The following ARHGAP26 variants were observed in gnomAD, a reference collection of about 807,000 sequenced individuals.
ARHGAP26 encodes Rho GTPase activating protein 26.
In ARHGAP26, 38 loss-of-function variants were observed where a neutral mutation model predicts 104.8. That is an observed-to-expected ratio of 0.36 (90% CI 0.28 to 0.48). The LOEUF (loss-of-function observed/expected upper bound fraction) is 0.48. Among genes scored for constraint, ARHGAP26 ranks in the 20% least tolerant of loss-of-function variants. The pLI, the probability that ARHGAP26 is intolerant of heterozygous loss-of-function variation, is 0.99. For synonymous variants in ARHGAP26, 341 were observed against 340.0 expected (o/e 1.00, Z -0.03); for missense variants, 704 against 947.9 (o/e 0.74, Z 3.38).
At chr5:143,125,634 CATGGAAATT>C (rs1305162848) in intron 18 of ARHGAP26, among the ~76,000 whole-genome samples, 2 of 152,284 alleles carry the variant, frequency 1.3e-5, no homozygotes, top group East Asian at 1.9e-4. Context: ...TTTGGGGGCT[CATGGAAATT>C]TTTCTTTTTC....
chr5:142,866,098 C>T (rs1472668549), intron 1 of ARHGAP26, among the ~76,000 whole-genome samples: 1 of 151,480 alleles, frequency 6.6e-6, no homozygotes, highest in Non-Finnish European at 1.5e-5. Context: ...ACTTGCATTT[C>T]TGTAGCCATT....
At chr5:143,156,355 A>G (rs1299725979) in intron 20 of ARHGAP26, among the ~76,000 whole-genome samples, 1 of 152,222 alleles carries the variant, frequency 6.6e-6, no homozygotes, top group African/African-American at 2.4e-5. Flanking sequence ...AAAGCCAGGC[A>G]GGATCAACCA....
At chr5:142,975,654 C>T (rs576066985) in intron 11 of ARHGAP26, among the ~76,000 whole-genome samples, 1 of 152,202 alleles carries the variant, frequency 6.6e-6, no homozygotes, top group South Asian at 2.1e-4. Context: ...ATCTCCCAAT[C>T]GACAGTCAGT....
At chr5:143,134,763 AGCC>A in intron 19 of ARHGAP26, among the ~76,000 whole-genome samples, 1 of 152,238 alleles carries the variant, frequency 6.6e-6, no homozygotes. Flanking sequence ...GTATTGTTTC[AGCC>A]TTTGCTCTAA....
At chr5:143,091,818 C>T (rs1431724513) in intron 17 of ARHGAP26, among the ~76,000 whole-genome samples, 1 of 152,186 alleles carries the variant, frequency 6.6e-6, no homozygotes, top group African/African-American at 2.4e-5. Flanking sequence ...ACCACTTTAA[C>T]TTTAGCCAAT....
At chr5:142,972,923 A>T (rs1772496203) in intron 11 of ARHGAP26, among the ~76,000 whole-genome samples, 2 of 149,664 alleles carry the variant, frequency 1.3e-5, no homozygotes, top group Admixed American at 1.3e-4. Flanking sequence ...TATTATTTTA[A>T]TTTTTTTCTG....
intron 6 of ARHGAP26, among the ~76,000 whole-genome samples, chr5:142,894,570 C>T (rs1042644548): frequency 9.2e-5 from 14 of 152,204 alleles, no homozygotes; most frequent in African/African-American, 3.4e-4. Flanking sequence ...GTCCAGCAGT[C>T]ATTCCTTCCT....
intron 1 of ARHGAP26, among the ~76,000 whole-genome samples, chr5:142,863,353 C>T (rs1225130326): frequency 6.6e-6 from 1 of 152,144 alleles, no homozygotes; most frequent in Non-Finnish European, 1.5e-5. Context: ...GTGATCCGCC[C>T]ACCTCGGCCT....
intron 12 of ARHGAP26, among the ~76,000 whole-genome samples, chr5:143,021,427 G>A (rs528892531): frequency 1.6e-4 from 24 of 152,310 alleles, no homozygotes; most frequent in African/African-American, 5.8e-4. Flanking sequence ...ATTGGCCTAT[G>A]TTATTCATAA....
chr5:142,816,520 A>G (rs1765164579), intron 1 of ARHGAP26, among the ~76,000 whole-genome samples: 1 of 152,240 alleles, frequency 6.6e-6, no homozygotes. Flanking sequence ...GGCATCTTGT[A>G]GGAGATGCCA....
chr5:142,979,560 A>G (rs150601668), intron 11 of ARHGAP26, among the ~76,000 whole-genome samples: 69 of 152,338 alleles, frequency 4.5e-4, no homozygotes, highest in Non-Finnish European at 6.3e-4. Context: ...GGGCCACATT[A>G]TCAATCCCTG....
chr5:143,226,146 C>A lies in ARHGAP26; in HGVS notation c.*3700C>A. On this transcript the variant is annotated 3_prime_UTR_variant, in exon 23 of 23. Coordinates refer to ENST00000645722, the MANE Select transcript of ARHGAP26 (RefSeq NM_001135608.3). Reference sequence around the variant, plus strand: ...AATCTTTTAGGGGTATTAAGGTCAGCCTCTCACTCTTCCTTCAGGTTACTA... The same window carrying A: ...AATCTTTTAGGGGTATTAAGGTCAGACTCTCACTCTTCCTTCAGGTTACTA... The A allele has an allele frequency of 5.2e-6, 1 of 193,308 alleles. No homozygotes were observed. The highest frequency in any genetic ancestry group is 1.1e-5 in the Non-Finnish European group (1 of 92,630). 12.0% of individuals were successfully genotyped at this position (193,308 alleles called of 1,614,324 possible). A position where few individuals can be genotyped will look rare whatever the true frequency, so the allele number is the denominator to read the frequency against.
At chr5:143,067,040 C>T (rs556094471) in intron 17 of ARHGAP26, among the ~76,000 whole-genome samples, 2 of 151,984 alleles carry the variant, frequency 1.3e-5, no homozygotes, top group East Asian at 3.9e-4. Context: ...TCTGCCCCTC[C>T]CCCTCCCGCT....
intron 17 of ARHGAP26, among the ~76,000 whole-genome samples, chr5:143,116,064 T>G (rs1599084720): frequency 2.0e-5 from 3 of 152,370 alleles, no homozygotes; most frequent in East Asian, 3.8e-4. Context: ...TGAAAACTTT[T>G]GTTTCTGATA....
intron 17 of ARHGAP26, among the ~76,000 whole-genome samples, chr5:143,098,966 G>A (rs569109125): frequency 1.3e-5 from 2 of 152,260 alleles, no homozygotes; most frequent in South Asian, 2.1e-4. Flanking sequence ...AATAGAAAGT[G>A]GCTTCAAAAG....
At chr5:142,926,494 G>A (rs1763915693) in intron 10 of ARHGAP26, among the ~76,000 whole-genome samples, 1 of 152,192 alleles carries the variant, frequency 6.6e-6, no homozygotes, top group South Asian at 2.1e-4. Flanking sequence ...TCTGGCGGGT[G>A]GAGGGAGCTC....
At chr5:143,200,351 A>G (rs1399409488) in intron 20 of ARHGAP26, among the ~76,000 whole-genome samples, 1 of 152,226 alleles carries the variant, frequency 6.6e-6, no homozygotes, top group Non-Finnish European at 1.5e-5. Context: ...TAAGGAAACA[A>G]TTGAGACACT....
intron 20 of ARHGAP26, chr5:143,170,097 G>T (rs1163158561): frequency 6.6e-6 from 1 of 152,210 alleles, no homozygotes; most frequent in South Asian, 2.1e-4. Context: ...GCCCATTACA[G>T]GTTATTAGAG....
intron 11 of ARHGAP26, among the ~76,000 whole-genome samples, chr5:142,992,057 A>AT (rs1775696333): frequency 4.7e-4 from 1 of 2,132 alleles, no homozygotes. Flanking sequence ...TATAATTAGG[A>AT]CTTTTTTTTG....
Sources: allele counts gnomAD v4.1 joint callset (sites outside exome capture counted in the v4.1 genomes callset), GRCh38; gene constraint gnomAD v4.1.1; transcripts MANE v1.5; gene names NCBI Gene and HGNC (gene_info 2026-07-23, HGNC 2026-07-21).